ATAD5: variants seen among roughly 807,000 people sequenced by gnomAD.
ATAD5 encodes the protein ATPase family AAA domain-containing protein 5.
In ATAD5, 58 loss-of-function variants were observed where a neutral mutation model predicts 176.9. The ratio of observed to expected loss-of-function variants is 0.33; its 90% CI spans 0.27 to 0.41. The LOEUF is 0.41. ATAD5 is among the 10% of genes least tolerant of loss of function. ATAD5 has a pLI of 1.00. For synonymous variants in ATAD5, 640 were observed against 712.6 expected, an observed-to-expected ratio of 0.90 and a Z score of 1.62; for missense variants, 1,789 against 2,094.1, an observed-to-expected ratio of 0.85 and a Z score of 2.84.
chr17:30,878,158 C>T (rs527807630), intron 17 of ATAD5, 62 bp downstream of exon 17: 6 of 1,076,240 alleles, frequency 5.6e-6, no homozygotes, highest in Admixed American at 2.2e-5. Context: ...CATCTGCAGA[C>T]TGGAGTAATT....
intron 6 of ATAD5, among the ~76,000 whole-genome samples, chr17:30,849,338 C>T (rs1906728944): frequency 6.6e-6 from 1 of 152,084 alleles, no homozygotes; most frequent in African/African-American, 2.4e-5. Context: ...CTCAAGCAAT[C>T]TTCCTTCCTC....
In ATAD5 at chr17:30,894,122, T is replaced by C. The variant is rs187973562; in HGVS notation, c.5269T>C (p.Tyr1757His). The C allele has an allele frequency of 7.0e-6, 11 of 1,571,058 alleles. No homozygotes were observed. The East Asian group carries it at 1.6e-4, about 23-fold the overall frequency. ...TGTTTCACAAAAGCGCAATAATGTA[T>C]ACTTTAGTCAGTCAGCAGCTAATTT... ...FYVSQKRNNVYFSQSAANLDN... is the reference protein window; with the variant it reads ...FYVSQKRNNVHFSQSAANLDN... Residue 1757 changes from tyrosine (Y) to histidine (H), a missense_variant, in exon 21 of 23, where the codon TAC becomes CAC. Physicochemically the swap from Tyr to His is moderately conservative, Grantham distance 83 (BLOSUM62 2). Coordinates refer to ENST00000321990, the MANE Select transcript of ATAD5 (RefSeq NM_024857.5).
intron 12 of ATAD5, 102 bp from the exon 13 acceptor site, chr17:30,869,146 C>A: frequency 7.4e-7 from 1 of 1,356,648 alleles, no homozygotes; most frequent in Non-Finnish European, 1.0e-6. Context: ...AATTTTTCAG[C>A]ATCTATTGCA....
At position 30,835,676 on chromosome 17, in the gene ATAD5, C is replaced by T; in HGVS notation, c.1595C>T (p.Thr532Ile). The change falls in exon 2 of 23, where the codon ACT becomes ATT. Residue 532 changes from threonine (T) to isoleucine (I), a missense_variant. Around this residue, in one of 6 missense-constraint regions of ATAD5, gnomAD observed 696 missense variants for 712.5 expected, o/e 0.98. Coordinates refer to ENST00000321990, the MANE Select transcript of ATAD5 (RefSeq NM_024857.5). Reference protein sequence around the residue: ...QRKTEFFKSSTLFNNESLVYE... With the variant: ...QRKTEFFKSSILFNNESLVYE... ...AAAACAGAGTTTTTCAAAAGCAGCACTTTATTTAACAATGAAAGTCTTGTT... is the reference window on the plus strand; with the variant it reads ...AAAACAGAGTTTTTCAAAAGCAGCATTTTATTTAACAATGAAAGTCTTGTT... The T allele has an allele frequency of 1.2e-6, 2 of 1,606,664 alleles. No individual in the cohort carries two copies. Among genetic ancestry groups the T allele is most frequent in the Non-Finnish European group, 1.7e-6 (2 of 1,177,698 alleles).
chr17:30,836,155 G>A, intron 2 of ATAD5, 107 bp downstream of exon 2: 1 of 913,820 alleles, frequency 1.1e-6, no homozygotes, highest in Non-Finnish European at 1.5e-6. Context: ...GAACACAGCT[G>A]TTTAAAAGAA....
chr17:30,843,579 G>T (rs956644858), intron 4 of ATAD5, among the ~76,000 whole-genome samples: 1 of 151,944 alleles, frequency 6.6e-6, no homozygotes, highest in East Asian at 1.9e-4. Context: ...GAACACGGGA[G>T]GCGGAGGTTG....
Position 30,895,140 on chromosome 17 carries a change from T to C in ATAD5, c.*227T>C, listed in dbSNP as rs1909842408. The C allele has an allele frequency of 2.9e-6, 1 of 346,896 alleles. No individual in the cohort carries two copies. Among genetic ancestry groups the C allele is most frequent in the Non-Finnish European group, 5.2e-6 (1 of 192,844 alleles). 21.5% of individuals were successfully genotyped at this position (346,896 alleles called of 1,614,324 possible). On this transcript the variant is annotated 3_prime_UTR_variant, in exon 23 of 23. Transcript: ENST00000321990. ...TTTTGTATTATCTGATTTAGCTTTG[T>C]TGGAGTATTTTTTGTATGTGAGTGA...
At chr17:30,891,337 G>T (rs1483945034) in intron 19 of ATAD5, among the ~76,000 whole-genome samples, 1 of 152,072 alleles carries the variant, frequency 6.6e-6, no homozygotes, top group Non-Finnish European at 1.5e-5. Context: ...TCCATGCTTA[G>T]TGGTGAAATT....
intron 18 of ATAD5, among the ~76,000 whole-genome samples, chr17:30,884,872 C>A (rs1034935532): frequency 6.6e-6 from 1 of 151,714 alleles, no homozygotes; most frequent in African/African-American, 2.4e-5. Flanking sequence ...CTCAGCCTCC[C>A]GAGTAGCTGG....
At position 30,895,844 on chromosome 17, in the gene ATAD5, A is replaced by AAAG. The variant is rs1466613731; in HGVS notation, c.*932_*934dup. On this transcript the variant is annotated 3_prime_UTR_variant, in exon 23 of 23. Transcript: ENST00000321990. ...ATTGATCTAATTAAAGGTTAAAGCT[A>AAAG]AAGGCTTTATGAAATGTTTAAAAAA... 6.6e-6 allele frequency: 1 copy of AAAG among 152,178 alleles called. No individual in the cohort carries two copies. The highest frequency in any genetic ancestry group is 2.4e-5 in the African/African-American group (1 of 41,454). 9.4% of individuals were successfully genotyped at this position (152,178 alleles called of 1,614,324 possible). A position where few individuals can be genotyped will look rare whatever the true frequency, so the allele number is the denominator to read the frequency against.
chr17:30,833,705 A>G (rs2142296038), intron 1 of ATAD5, among the ~76,000 whole-genome samples: 1 of 152,240 alleles, frequency 6.6e-6, no homozygotes, highest in Admixed American at 6.5e-5. Context: ...TTTTGAGACA[A>G]GGTCTTGCTC....
chr17:30,853,955 G>A (rs915975173), intron 6 of ATAD5, among the ~76,000 whole-genome samples: 3 of 151,278 alleles, frequency 2.0e-5, no homozygotes, highest in African/African-American at 7.3e-5. Context: ...CAAAAGACAA[G>A]AGGGAAAAAA....
chr17:30,847,339 G>T (rs1317449949), intron 6 of ATAD5, among the ~76,000 whole-genome samples: 25 of 151,780 alleles, frequency 1.6e-4, no homozygotes, highest in African/African-American at 6.1e-4. Flanking sequence ...GAGAGAGAGA[G>T]AGAGAGAGAG....
intron 3 of ATAD5, 37 bp from the exon 4 acceptor site, chr17:30,840,580 C>A: frequency 1.5e-6 from 2 of 1,302,004 alleles, no homozygotes; most frequent in Non-Finnish European, 2.1e-6. Context: ...AAAATATTTT[C>A]TTGTGATGTA....
At chr17:30,884,252 T>C (rs1909182320) in intron 18 of ATAD5, among the ~76,000 whole-genome samples, 1 of 150,900 alleles carries the variant, frequency 6.6e-6, no homozygotes, top group Admixed American at 6.6e-5. Flanking sequence ...TGCCTTTGGT[T>C]TCAAGCAATT....
intron 9 of ATAD5, among the ~76,000 whole-genome samples, chr17:30,859,955 C>T (rs1439636067): frequency 6.8e-6 from 1 of 147,440 alleles, no homozygotes; most frequent in Non-Finnish European, 1.5e-5. Context: ...AACTCCTGAC[C>T]TCAGGTGATC....
intron 15 of ATAD5, among the ~76,000 whole-genome samples, chr17:30,876,863 C>T (rs1424285726): frequency 6.7e-6 from 1 of 149,724 alleles, no homozygotes; most frequent in African/African-American, 2.5e-5. Flanking sequence ...ATTACTGGTG[C>T]ACACCACCAC....
At chr17:30,867,419 A>G (rs896862802) in intron 11 of ATAD5, among the ~76,000 whole-genome samples, 1 of 152,092 alleles carries the variant, frequency 6.6e-6, no homozygotes, top group African/African-American at 2.4e-5. Flanking sequence ...ATGAGCATAA[A>G]TACTGTTGTC....
chr17:30,834,784 G>A lies in ATAD5; in HGVS notation c.703G>A (p.Asp235Asn). The change falls in exon 2 of 23, where the codon GAT becomes AAT. Residue 235 changes from aspartate to asparagine, a missense_variant. Around this residue, in one of 6 missense-constraint regions of ATAD5, gnomAD observed 696 missense variants for 712.5 expected, o/e 0.98. Transcript: ENST00000321990. ...ELNLLKKDGK[D>N]TKQMENTTSH... is the part of the protein sequence containing the mutation. The stretch of plus-strand genomic sequence containing the variant: ...AAATTTGCTTAAAAAAGATGGTAAA[G>A]ATACTAAACAGATGGAGAATACTAC... 1 of 1,614,052 alleles carries A rather than the reference G, an allele frequency of 6.2e-7. No individual in the cohort carries two copies. Among genetic ancestry groups the A allele is most frequent in the Non-Finnish European group, 8.5e-7 (1 of 1,179,982 alleles).
Sources: allele counts gnomAD v4.1 joint callset (sites outside exome capture counted in the v4.1 genomes callset), GRCh38; gene constraint gnomAD v4.1.1; regional missense constraint gnomAD v4.1.1; transcripts MANE v1.5; gene names NCBI Gene and HGNC (gene_info 2026-07-23, HGNC 2026-07-21).